The following RNF8 variants were observed in gnomAD, a reference collection of about 807,000 sequenced individuals.
RNF8 encodes the protein ring finger protein 8.
Under a neutral mutation model 59.3 loss-of-function variants are expected in RNF8, and 8 were observed. The observed-to-expected ratio is 0.13, with a 90% CI of 0.08 to 0.24. RNF8 has a LOEUF of 0.24. Among genes scored for constraint, RNF8 ranks in the 10% least tolerant of loss-of-function variants. RNF8 has a pLI of 1.00. For synonymous variants in RNF8, 162 were observed against 200.0 expected (o/e 0.81, Z 1.60); for missense variants, 406 against 572.6 (o/e 0.71, Z 2.97).
At chr6:37,381,639 C>T (rs1770267245) in intron 7 of RNF8, among the ~76,000 whole-genome samples, 1 of 152,184 alleles carries the variant, frequency 6.6e-6, no homozygotes, top group African/African-American at 2.4e-5. Context: ...AAAATACACA[C>T]AGTCAGACGT....
chr6:37,371,602 A>C (rs974063450), intron 4 of RNF8, 28 bp downstream of exon 4: 5 of 1,597,182 alleles, frequency 3.1e-6, no homozygotes, highest in Non-Finnish European at 4.3e-6. Flanking sequence ...CTAAGATTAT[A>C]GTGGGCTGTG....
intron 7 of RNF8, among the ~76,000 whole-genome samples, chr6:37,389,480 G>T (rs992458267): frequency 2.6e-5 from 4 of 151,972 alleles, no homozygotes; most frequent in Non-Finnish European, 4.4e-5. Context: ...AGGAAGTAGG[G>T]TGAAATGGGG....
At chr6:37,361,297 G>T (rs1769312537) in intron 2 of RNF8, 1 of 454,734 alleles carries the variant, frequency 2.2e-6, no homozygotes, top group Admixed American at 2.3e-5. Context: ...TCTGGTGTCT[G>T]CCTTAAGTTC....
chr6:37,354,796 G>C (rs1450667251), intron 1 of RNF8, among the ~76,000 whole-genome samples: 1 of 152,226 alleles, frequency 6.6e-6, no homozygotes, highest in Non-Finnish European at 1.5e-5. Context: ...AACGGTGGCG[G>C]GGGCCGCGAG....
intron 2 of RNF8, among the ~76,000 whole-genome samples, chr6:37,364,348 CAG>C (rs1158198066): frequency 2.0e-5 from 3 of 151,958 alleles, no homozygotes; most frequent in South Asian, 2.1e-4. Context: ...AGGAGACACA[CAG>C]GGGTTTCTGG....
chr6:37,371,669 T>C (rs992202056), intron 4 of RNF8, 95 bp downstream of exon 4: 1 of 961,698 alleles, frequency 1.0e-6, no homozygotes. Context: ...GCTTAGCCCA[T>C]ACCTCTGTGG....
chr6:37,356,403 G>A (rs1769118623), intron 1 of RNF8, among the ~76,000 whole-genome samples: 1 of 152,190 alleles, frequency 6.6e-6, no homozygotes, highest in African/African-American at 2.4e-5. Context: ...TAACATAACA[G>A]CAAAGGTAGG....
chr6:37,367,426 C>T (rs1212627562), intron 2 of RNF8, among the ~76,000 whole-genome samples: 1 of 152,166 alleles, frequency 6.6e-6, no homozygotes, highest in African/African-American at 2.4e-5. Context: ...ATTTTGGAGA[C>T]AGAGTCTCGC....
chr6:37,391,053 T>A lies in RNF8; in HGVS notation c.*295T>A, dbSNP rs1425376184. 5 of 558,546 alleles carry A rather than the reference T, an allele frequency of 9.0e-6. No homozygotes were observed. Among genetic ancestry groups the A allele is most frequent in the South Asian group, 6.7e-5 (3 of 44,490 alleles). 34.6% of individuals were successfully genotyped at this position (558,546 alleles called of 1,614,324 possible). Reference sequence around the variant, plus strand: ...ATTTGAGTTCTCTTCTGTTTTTTTTTAATTTGTTGTTGTTGTTACTGTTTT... The same window carrying A: ...ATTTGAGTTCTCTTCTGTTTTTTTTAAATTTGTTGTTGTTGTTACTGTTTT... On this transcript the variant is annotated 3_prime_UTR_variant, in exon 8 of 8. Transcript: ENST00000373479.
intron 2 of RNF8, among the ~76,000 whole-genome samples, chr6:37,363,119 G>A (rs2113817252): frequency 6.6e-6 from 1 of 152,256 alleles, no homozygotes; most frequent in African/African-American, 2.4e-5. Flanking sequence ...CTGCTGCCTG[G>A]TGATTCCTAC....
At chr6:37,389,699 G>A (rs765351885) in intron 7 of RNF8, among the ~76,000 whole-genome samples, 1 of 151,928 alleles carries the variant, frequency 6.6e-6, no homozygotes, top group Non-Finnish European at 1.5e-5. Flanking sequence ...GAAGAGTATC[G>A]TGGGGGGGTG....
chr6:37,384,285 T>C (rs1770403381), intron 7 of RNF8, among the ~76,000 whole-genome samples: 1 of 151,932 alleles, frequency 6.6e-6, no homozygotes, highest in Non-Finnish European at 1.5e-5. Flanking sequence ...GGATTACAGG[T>C]GCATGCCACC....
At chr6:37,376,860 G>C in intron 5 of RNF8, 66 bp from the exon 6 acceptor site, 1 of 959,348 alleles carries the variant, frequency 1.0e-6, no homozygotes, top group Admixed American at 1.7e-5. Context: ...AATTGACCCT[G>C]CTCCCTGTCC....
chr6:37,365,452 C>T (rs1769510225), intron 2 of RNF8, among the ~76,000 whole-genome samples: 1 of 152,230 alleles, frequency 6.6e-6, no homozygotes, highest in African/African-American at 2.4e-5. Flanking sequence ...ACTTAACTCA[C>T]TCCGAGGGTG....
intron 1 of RNF8, among the ~76,000 whole-genome samples, chr6:37,356,411 A>G (rs1342792596): frequency 6.6e-6 from 1 of 152,252 alleles, no homozygotes; most frequent in Non-Finnish European, 1.5e-5. Flanking sequence ...CAGCAAAGGT[A>G]GGTCAGTTCC....
chr6:37,376,063 A>G (rs144120915), intron 5 of RNF8, among the ~76,000 whole-genome samples: 144 of 152,282 alleles, frequency 9.5e-4, no homozygotes, highest in African/African-American at 3.1e-3. Context: ...CCAGAGGTGT[A>G]CCTTACTTTA....
chr6:37,378,600 CAAAAAAAAAAAAAA>C (rs554259061), intron 6 of RNF8, among the ~76,000 whole-genome samples: 1 of 56,556 alleles, frequency 1.8e-5, no homozygotes, highest in African/African-American at 5.4e-5. Flanking sequence ...GACTCCGTCT[CAAAAAAAAAAAAAA>C]AAAAAAAAAG....
At chr6:37,380,179 G>A (rs1770194609) in intron 6 of RNF8, among the ~76,000 whole-genome samples, 1 of 151,984 alleles carries the variant, frequency 6.6e-6, no homozygotes, top group Non-Finnish European at 1.5e-5. Context: ...AGCTCCCCAA[G>A]TGCTGGGATT....
chr6:37,384,274 A>G (rs748065029), intron 7 of RNF8, among the ~76,000 whole-genome samples: 2 of 151,502 alleles, frequency 1.3e-5, no homozygotes. Context: ...CTGGGTAGCT[A>G]GGATTACAGG....
Sources: gnomAD v4.1 joint callset for allele counts (sites outside exome capture counted in the v4.1 genomes callset) on GRCh38, gnomAD v4.1.1 for gene constraint, MANE v1.5 for transcripts, NCBI Gene and HGNC (gene_info 2026-07-23, HGNC 2026-07-21) for gene names.